The following CSMD1 variants were observed in gnomAD, a reference collection of about 807,000 sequenced individuals.
The protein encoded by CSMD1 is CUB and sushi domain-containing protein 1.
In CSMD1, 213 loss-of-function variants were observed where a neutral mutation model predicts 417.5. The ratio of observed to expected loss-of-function variants is 0.51; its 90% CI spans 0.46 to 0.57. The LOEUF (loss-of-function observed/expected upper bound fraction) is 0.57, where lower values mean the gene tolerates loss of function less well. Among genes scored for constraint, CSMD1 ranks in the 20% least tolerant of loss-of-function variants. The pLI is 0.00. For synonymous variants in CSMD1, 2,862 were observed against 1,736.8 expected (o/e 1.65, Z -16.11); for missense variants, 6,923 against 4,529.7 (o/e 1.53, Z -15.17).
intron 42 of CSMD1, among the ~76,000 whole-genome samples, chr8:3,113,988 G>A (rs1585384939): frequency 1.3e-5 from 2 of 152,272 alleles, no homozygotes; most frequent in South Asian, 4.1e-4. Flanking sequence ...TAGGCTTAGG[G>A]AGGAGGATCA....
At chr8:4,277,004 G>A (rs963499509) in intron 3 of CSMD1, among the ~76,000 whole-genome samples, 8 of 152,084 alleles carry the variant, frequency 5.3e-5, no homozygotes, top group African/African-American at 1.9e-4. Flanking sequence ...TCCAGGTTAA[G>A]TTTAAATTCA....
In CSMD1 at chr8:3,200,406, T is replaced by G. The variant is rs1423830362; in HGVS notation, c.5099-597A>C. Among the ~76,000 whole-genome samples, 3 of 151,638 alleles carry G rather than the reference T, an allele frequency of 2.0e-5. No individual in the cohort carries two copies. In the East Asian group the frequency reaches 5.9e-4, roughly 30 times the overall value. ...CACGTCTCTACTAAAAATACAAAAA[T>G]TAGCCAGGCGTGGTGGTGCATGCCT... On this transcript the variant is annotated intron_variant, in intron 32 of 69. Coordinates refer to ENST00000635120, the MANE Select transcript of CSMD1 (RefSeq NM_033225.6).
At chr8:3,392,990 C>T (rs750171859) in intron 17 of CSMD1, among the ~76,000 whole-genome samples, 2 of 152,164 alleles carry the variant, frequency 1.3e-5, no homozygotes, top group Non-Finnish European at 2.9e-5. Context: ...GACTCATTTT[C>T]TTACAACAAG....
chr8:4,278,199 T>G (rs1250772652), intron 3 of CSMD1, among the ~76,000 whole-genome samples: 1 of 152,190 alleles, frequency 6.6e-6, no homozygotes, highest in Non-Finnish European at 1.5e-5. Context: ...ATAATTCCAG[T>G]GCTCAATAGA....
chr8:4,553,071 A>G (rs893475332), intron 2 of CSMD1, among the ~76,000 whole-genome samples: 1 of 151,774 alleles, frequency 6.6e-6, no homozygotes, highest in East Asian at 1.9e-4. Flanking sequence ...AAATAACACC[A>G]CTCTCTAGGT....
rs1453668081 is a variant in CSMD1, at chr8:3,018,623, G to A, written c.7883C>T (p.Pro2628Leu). Residue 2628 changes from proline to leucine, a missense_variant, in exon 52 of 70, where the codon CCC (proline) becomes CTC (leucine). By Grantham distance (98) the Pro-to-Leu change is moderately conservative. Transcript: ENST00000635120. ...CGTTCCAATCTTGTTGCCATTTGGG[G>A]GAAAGGAAAGGCTTCCACACGAGAT... ...RVISCGSLSFPPNGNKIGTLT... is the reference protein window; with the variant it reads ...RVISCGSLSFLPNGNKIGTLT... 2 of 1,611,896 alleles carry A rather than the reference G, an allele frequency of 1.2e-6. No individual in the cohort carries two copies. The highest frequency in any genetic ancestry group is 3.3e-5 in the Admixed American group (2 of 59,828).
intron 46 of CSMD1, among the ~76,000 whole-genome samples, chr8:3,105,615 T>C (rs1563345795): frequency 6.6e-6 from 1 of 152,224 alleles, no homozygotes; most frequent in Non-Finnish European, 1.5e-5. Context: ...TATTGTATAT[T>C]GTCTATACTC....
chr8:3,227,965 AC>A (rs145360947), intron 27 of CSMD1, among the ~76,000 whole-genome samples: 4,164 of 152,036 alleles, frequency 0.027, 191 homozygotes, highest in African/African-American at 0.094. Context: ...ATAGGGTTTC[AC>A]CATGTTGCCC....
chr8:4,624,694 C>T (rs925408678), intron 2 of CSMD1, among the ~76,000 whole-genome samples: 3 of 152,116 alleles, frequency 2.0e-5, no homozygotes, highest in African/African-American at 7.2e-5. Context: ...TTCTCAAGCT[C>T]ACAAGAATGT....
At chr8:3,734,278 T>C (rs1796413857) in intron 6 of CSMD1, among the ~76,000 whole-genome samples, 1 of 152,178 alleles carries the variant, frequency 6.6e-6, no homozygotes, top group African/African-American at 2.4e-5. Flanking sequence ...TCCCAGTGTC[T>C]CCCTAGTGCT....
rs202012312 is a variant in CSMD1 at position 2,951,255 on chromosome 8, C to T, written c.10060G>A (p.Val3354Ile). 75 of 1,603,782 alleles carry T rather than the reference C, an allele frequency of 4.7e-5. No individual in the cohort carries two copies. Among genetic ancestry groups the T allele is most frequent in the African/African-American group, 9.4e-5 (7 of 74,574 alleles). The part of the protein sequence containing the change: ...KTPVPSDVFF[V>I]NSLWKGYYEY... ...TAATACCCCTTCCACAGTGAATTGA[C>T]GAAAAAGACATCTGAAGGAACTGTG... The change falls in exon 66 of 70, where the codon GTC (valine) becomes ATC (isoleucine). Residue 3354 changes from valine to isoleucine, a missense_variant. Val to Ile is a conservative substitution (Grantham distance 29). Coordinates refer to ENST00000635120, the MANE Select transcript of CSMD1 (RefSeq NM_033225.6).
At chr8:3,660,162 G>C (rs910585446) in intron 7 of CSMD1, among the ~76,000 whole-genome samples, 1 of 152,186 alleles carries the variant, frequency 6.6e-6, no homozygotes, top group Admixed American at 6.5e-5. Flanking sequence ...TGTAATGAGA[G>C]GCTATTATAC....
rs1347722348 is a variant in CSMD1 at position 3,087,412 on chromosome 8, T to C, written c.7286-127A>G. On this transcript the variant is annotated intron_variant, in intron 48 of 69. Transcript: ENST00000635120. The stretch of plus-strand genomic sequence containing the variant: ...AAAAGGTAGGAAATGAGCACCAGTA[T>C]GTAAGTTTGTTCTAAAGAGCATTCC... The C allele has an allele frequency of 1.2e-5, 11 of 955,680 alleles. No individual in the cohort carries two copies. The East Asian group carries it at 2.0e-4, about 17-fold the overall frequency. The allele number at this position is 955,680 out of a possible 1,614,324, so 59.2% of individuals were successfully genotyped here.
At chr8:4,492,160 G>A (rs896497298) in intron 2 of CSMD1, among the ~76,000 whole-genome samples, 8 of 152,116 alleles carry the variant, frequency 5.3e-5, no homozygotes, top group Admixed American at 1.3e-4. Context: ...ACAGGAGTGC[G>A]ATCATAGTTC....
At chr8:3,853,031 T>A (rs1245569626) in intron 5 of CSMD1, among the ~76,000 whole-genome samples, 5 of 152,076 alleles carry the variant, frequency 3.3e-5, no homozygotes, top group African/African-American at 1.2e-4. Context: ...CAACTACATC[T>A]CCCGTCCTCA....
chr8:3,776,091 T>TCCCCATCCTC lies in CSMD1; in HGVS notation c.819-22059_819-22050dup, dbSNP rs564962896. ...ACCTTGTCCATACAAATCTACTCTT[T>TCCCCATCCTC]CCCCATCCTCCCCCATCCTTCCTTC... On this transcript the variant is annotated intron_variant, in intron 5 of 69. Coordinates refer to ENST00000635120, the MANE Select transcript of CSMD1 (RefSeq NM_033225.6). Among the ~76,000 whole-genome samples the TCCCCATCCTC allele has an allele frequency of 6.3e-4, 96 of 152,218 alleles. 1 individual carries two copies. Among genetic ancestry groups the TCCCCATCCTC allele is most frequent in the Non-Finnish European group, 1.2e-3 (80 of 68,014 alleles).
chr8:4,162,422 G>C (rs375558091), intron 3 of CSMD1, among the ~76,000 whole-genome samples: 86 of 152,216 alleles, frequency 5.6e-4, no homozygotes, highest in African/African-American at 1.9e-3. Flanking sequence ...TAGTGTAACT[G>C]ATAAAATAAT....
intron 3 of CSMD1, among the ~76,000 whole-genome samples, chr8:4,036,265 C>A (rs954949373): frequency 1.3e-5 from 2 of 152,176 alleles, no homozygotes; most frequent in Admixed American, 1.3e-4. Context: ...CTGCATGTAA[C>A]ATATCTCAAG....
intron 5 of CSMD1, among the ~76,000 whole-genome samples, chr8:3,917,540 C>G (rs762587343): frequency 3.3e-5 from 5 of 152,082 alleles, no homozygotes; most frequent in Non-Finnish European, 7.4e-5. Context: ...GTTTTATTAC[C>G]TGGAATGCCT....
Sources: allele counts gnomAD v4.1 joint callset (sites outside exome capture counted in the v4.1 genomes callset), GRCh38; gene constraint gnomAD v4.1.1; transcripts MANE v1.5; gene names NCBI Gene and HGNC (gene_info 2026-07-23, HGNC 2026-07-21).